The following GNA13 variants were observed in gnomAD, a reference collection of about 807,000 sequenced individuals.
GNA13 encodes G protein subunit alpha 13, also known as guanine nucleotide-binding protein subunit alpha-13.
GNA13 carries 4 observed loss-of-function variants against 33.5 expected under a neutral mutation model. The ratio of observed to expected loss-of-function variants is 0.12; its 90% CI spans 0.06 to 0.27. The LOEUF (loss-of-function observed/expected upper bound fraction) is 0.27, where lower values mean the gene tolerates loss of function less well. Ranked by LOEUF, GNA13 falls within the 10% of genes least tolerant of loss-of-function variation. The pLI is 1.00. For synonymous variants in GNA13, 176 were observed against 183.8 expected (o/e 0.96, Z 0.34); for missense variants, 319 against 487.2 (o/e 0.65, Z 3.25).
At chr17:65,037,823 C>A (rs1907312448) in intron 2 of GNA13, among the ~76,000 whole-genome samples, 2 of 145,046 alleles carry the variant, frequency 1.4e-5, no homozygotes, top group African/African-American at 2.6e-5. Context: ...CTACCGTGAG[C>A]CTTCATCTCT....
At chr17:65,049,832 T>C (rs1907799313) in intron 2 of GNA13, among the ~76,000 whole-genome samples, 1 of 152,196 alleles carries the variant, frequency 6.6e-6, no homozygotes, top group South Asian at 2.1e-4. Flanking sequence ...TTGTTTGTTT[T>C]AACAAGCATT....
At chr17:65,023,095 G>A (rs551987007) in intron 2 of GNA13, among the ~76,000 whole-genome samples, 2 of 152,324 alleles carry the variant, frequency 1.3e-5, no homozygotes, top group East Asian at 3.9e-4. Context: ...AGTATTTTCA[G>A]AGAAGCTGAG....
At chr17:65,037,777 GGAA>G (rs1268094247) in intron 2 of GNA13, among the ~76,000 whole-genome samples, 5 of 82,062 alleles carry the variant, frequency 6.1e-5, no homozygotes, top group Admixed American at 5.8e-4. Context: ...CTACAAAAAT[GGAA>G]AAAAAAAAAA....
At chr17:65,030,645 G>A (rs1906968641) in intron 2 of GNA13, among the ~76,000 whole-genome samples, 1 of 152,142 alleles carries the variant, frequency 6.6e-6, no homozygotes, top group African/African-American at 2.4e-5. Context: ...AATTAAGAAT[G>A]TACGTAAATG....
intron 2 of GNA13, among the ~76,000 whole-genome samples, chr17:65,026,773 T>C (rs926663407): frequency 7.0e-6 from 1 of 143,520 alleles, no homozygotes; most frequent in African/African-American, 2.7e-5. Flanking sequence ...ATTCAATTTT[T>C]TGTTTGTTTG....
intron 2 of GNA13, among the ~76,000 whole-genome samples, chr17:65,027,603 G>A (rs1043025421): frequency 9.9e-5 from 15 of 152,092 alleles, no homozygotes; most frequent in African/African-American, 3.6e-4. Flanking sequence ...CCTGGGGACA[G>A]TTTTTGCCTT....
rs1906769715 is a variant in GNA13 at position 65,026,026 on chromosome 17, A to T, written c.511-7723T>A. On this transcript the variant is annotated intron_variant, in intron 2 of 3. Coordinates refer to ENST00000439174, the MANE Select transcript of GNA13 (RefSeq NM_006572.6). ...AAAACAGCAGATAAGACACAACAAA[A>T]AAAATTATAAGTAATGTATAAGGTT... Among the ~76,000 whole-genome samples, 22 of 152,152 alleles carry T rather than the reference A, an allele frequency of 1.4e-4. No homozygotes were observed. The South Asian group carries it at 4.6e-3, about 32-fold the overall frequency.
chr17:65,037,045 G>C lies in GNA13; in HGVS notation c.510+16457C>G, dbSNP rs192155156. On this transcript the variant is annotated intron_variant, in intron 2 of 3. Coordinates refer to ENST00000439174, the MANE Select transcript of GNA13 (RefSeq NM_006572.6). The stretch of plus-strand genomic sequence containing the variant: ...AGTACATGTTTGCTGAAGAATGAAT[G>C]AGTGCAATGTATATAACTGATCAGG... Among the ~76,000 whole-genome samples, 5 of 152,328 alleles carry C rather than the reference G, an allele frequency of 3.3e-5. No individual in the cohort carries two copies. The East Asian group carries it at 9.6e-4, about 29-fold the overall frequency.
In GNA13 at chr17:65,018,208, G is replaced by A. The variant is rs200073980; in HGVS notation, c.561+45C>T. ...TCCTAACATCGATATCCTGACTTCT[G>A]CTTTCAAATGGCACTAAACATAAAC... is the stretch of plus-strand genomic sequence containing the variant. On this transcript the variant is annotated intron_variant, in intron 3 of 3. Coordinates refer to ENST00000439174, the MANE Select transcript of GNA13 (RefSeq NM_006572.6). 432 of 932,562 alleles carry A rather than the reference G, an allele frequency of 4.6e-4. 5 individuals carry two copies. The African/African-American group carries it at 6.4e-3, about 14-fold the overall frequency. The allele number at this position is 932,562 out of a possible 1,614,324, so 57.8% of individuals were successfully genotyped here.
intron 1 of GNA13, chr17:65,055,655 C>G (rs761283046): frequency 3.2e-4 from 316 of 985,176 alleles, no homozygotes; most frequent in Non-Finnish European, 3.7e-4. Flanking sequence ...TGTATGGGTC[C>G]ACTCTCTCCT....
At chr17:65,019,582 T>C (rs771283432) in intron 2 of GNA13, among the ~76,000 whole-genome samples, 4 of 152,106 alleles carry the variant, frequency 2.6e-5, no homozygotes, top group Non-Finnish European at 4.4e-5. Flanking sequence ...AAGACAAACA[T>C]TGCATGCTAT....
Position 65,011,956 on chromosome 17 carries a change from T to G in GNA13, c.*2301A>C, listed in dbSNP as rs1018248171. ...GTGGACTGAAGCCTTTAGATTGAAC[T>G]TAAAGTTCTACTGAATGTCAAAACA... On this transcript the variant is annotated 3_prime_UTR_variant, in exon 4 of 4. Coordinates refer to ENST00000439174, the MANE Select transcript of GNA13 (RefSeq NM_006572.6). 43 of 226,472 alleles carry G rather than the reference T, an allele frequency of 1.9e-4. No homozygotes were observed. The highest frequency in any genetic ancestry group is 8.9e-4 in the African/African-American group (40 of 45,088). The allele number at this position is 226,472 out of a possible 1,614,324, so 14.0% of individuals were successfully genotyped here.
chr17:65,037,285 G>A (rs969820110), intron 2 of GNA13, among the ~76,000 whole-genome samples: 2 of 152,118 alleles, frequency 1.3e-5, no homozygotes, highest in African/African-American at 4.8e-5. Flanking sequence ...CTAAGCCAGA[G>A]GGTTGAAAGT....
At chr17:65,040,666 G>C (rs923934809) in intron 2 of GNA13, among the ~76,000 whole-genome samples, 1 of 152,030 alleles carries the variant, frequency 6.6e-6, no homozygotes, top group Non-Finnish European at 1.5e-5. Context: ...GCTAATTTTT[G>C]TATTTTTAGT....
chr17:65,051,865 C>T (rs780270581), intron 2 of GNA13: 9 of 152,120 alleles, frequency 5.9e-5, no homozygotes, highest in Non-Finnish European at 1.3e-4. Flanking sequence ...AAACACATTA[C>T]TTGAAAAGAC....
chr17:65,023,444 T>A (rs1008012838), intron 2 of GNA13, among the ~76,000 whole-genome samples: 1 of 152,230 alleles, frequency 6.6e-6, no homozygotes, highest in Non-Finnish European at 1.5e-5. Flanking sequence ...GGGATGGAAC[T>A]GATTTCTTTT....
chr17:65,054,977 T>C (rs532162497), intron 1 of GNA13, among the ~76,000 whole-genome samples: 93 of 151,220 alleles, frequency 6.1e-4, no homozygotes, highest in Non-Finnish European at 1.1e-3. Context: ...GTCTAGTGAT[T>C]CTCTCTAATT....
intron 3 of GNA13, among the ~76,000 whole-genome samples, chr17:65,015,861 A>C (rs1287815390): frequency 6.6e-6 from 1 of 152,054 alleles, no homozygotes; most frequent in Non-Finnish European, 1.5e-5. Context: ...TCCTTTCTCT[A>C]CTATAATTAA....
In GNA13 at chr17:65,010,738, G is replaced by T. The variant is rs1906159070; in HGVS notation, c.*3519C>A. 1 of 209,776 alleles carries T rather than the reference G, an allele frequency of 4.8e-6. No homozygotes were observed. Among genetic ancestry groups the T allele is most frequent in the African/African-American group, 2.3e-5 (1 of 44,056 alleles). 13.0% of individuals were successfully genotyped at this position (209,776 alleles called of 1,614,324 possible). A position where few individuals can be genotyped will look rare whatever the true frequency, so the allele number is the denominator to read the frequency against. On this transcript the variant is annotated 3_prime_UTR_variant, in exon 4 of 4. Coordinates refer to ENST00000439174, the MANE Select transcript of GNA13 (RefSeq NM_006572.6). ...AGTGACTTTCTCTAAATTTATTAGG[G>T]AGTTTGTTACAAATGTTTGGGCTTT...
Sources: allele counts gnomAD v4.1 joint callset (sites outside exome capture counted in the v4.1 genomes callset), GRCh38; gene constraint gnomAD v4.1.1; transcripts MANE v1.5; gene names NCBI Gene and HGNC (gene_info 2026-07-23, HGNC 2026-07-21).